The following SNAP47 variants were observed in gnomAD, a reference collection of about 807,000 sequenced individuals.
SNAP47 encodes the protein synaptosomal-associated protein 47.
SNAP47 carries 20 observed loss-of-function variants against 31.4 expected under a neutral mutation model. The observed-to-expected ratio is 0.64, with a 90% CI of 0.45 to 0.93. The LOEUF (loss-of-function observed/expected upper bound fraction) is 0.93, where lower values mean the gene tolerates loss of function less well. SNAP47 is among the 40% of genes least tolerant of loss of function. The pLI, the probability that SNAP47 is intolerant of heterozygous loss-of-function variation, is 0.00. For synonymous variants in SNAP47, 194 were observed against 213.4 expected, an observed-to-expected ratio of 0.91 and a Z score of 0.79; for missense variants, 492 against 528.5, an observed-to-expected ratio of 0.93 and a Z score of 0.68.
chr1:227,737,302 A>G lies in SNAP47; in HGVS notation c.-46+1803A>G, dbSNP rs115170085. Among the ~76,000 whole-genome samples, 864 of 152,348 alleles carry G rather than the reference A, an allele frequency of 5.7e-3. 13 individuals carry two copies. Among genetic ancestry groups the G allele is most frequent in the African/African-American group, 0.02 (839 of 41,570 alleles). ...CGAGAGAGTGCAGAGTCTGGGCAGC[A>G]TTTCCCAGGCGTCTTGACAGGGAGG... On this transcript the variant is annotated intron_variant, in intron 1 of 4. Transcript: ENST00000617596.
chr1:227,767,176 G>T lies in SNAP47; in HGVS notation c.1113+93G>T. 2.6e-6 allele frequency: 4 copies of T among 1,541,094 alleles called. No individual in the cohort carries two copies. In the East Asian group the frequency reaches 9.6e-5, roughly 37 times the overall value. On this transcript the variant is annotated intron_variant, in intron 4 of 4. Transcript: ENST00000617596. ...CCTTTCTGATCACAAACAAGCTCTG[G>T]GTCATCCATCCGTATTGGCCTCGCA...
At chr1:227,769,135 C>T (rs961345877) in intron 4 of SNAP47, among the ~76,000 whole-genome samples, 1 of 152,156 alleles carries the variant, frequency 6.6e-6, no homozygotes, top group Non-Finnish European at 1.5e-5. Flanking sequence ...GGCTCCCCAC[C>T]AGCCATCCAG....
rs147859271 is a variant in SNAP47, at chr1:227,747,400, G to A, written c.-45-292G>A. Reference sequence around the variant, plus strand: ...CAGGGTGGCTTTGCTGGGTGCAGGGGCACAGAGTGTGGTGAGGGGGATGAC... The same window carrying A: ...CAGGGTGGCTTTGCTGGGTGCAGGGACACAGAGTGTGGTGAGGGGGATGAC... On this transcript the variant is annotated intron_variant, in intron 1 of 4. Coordinates refer to ENST00000617596, the MANE Select transcript of SNAP47 (RefSeq NM_053052.4). Among the ~76,000 whole-genome samples the A allele has an allele frequency of 4.5e-3, 690 of 152,294 alleles. 18 individuals carry two copies. The South Asian group carries it at 0.055, about 12-fold the overall frequency.
intron 2 of SNAP47, among the ~76,000 whole-genome samples, chr1:227,755,740 C>G (rs1662654958): frequency 6.6e-6 from 1 of 152,040 alleles, no homozygotes; most frequent in African/African-American, 2.4e-5. Flanking sequence ...TGCTGGGAGT[C>G]CAGGTTTTTA....
At chr1:227,752,700 T>G (rs1662454775) in intron 2 of SNAP47, among the ~76,000 whole-genome samples, 2 of 152,200 alleles carry the variant, frequency 1.3e-5, no homozygotes, top group Non-Finnish European at 2.9e-5. Flanking sequence ...AAGTTAGCTT[T>G]ATTAAGGAAG....
chr1:227,737,625 T>C (rs1466345882), intron 1 of SNAP47, among the ~76,000 whole-genome samples: 1 of 152,192 alleles, frequency 6.6e-6, no homozygotes, highest in Non-Finnish European at 1.5e-5. Flanking sequence ...GTGCTGGGGC[T>C]CTGAGCCTTG....
At chr1:227,742,336 G>A (rs1367307844) in intron 1 of SNAP47, among the ~76,000 whole-genome samples, 1 of 152,172 alleles carries the variant, frequency 6.6e-6, no homozygotes, top group Non-Finnish European at 1.5e-5. Flanking sequence ...CCAGGCTCAA[G>A]TGATCCTCCT....
At chr1:227,757,058 C>A (rs563263233) in intron 2 of SNAP47, among the ~76,000 whole-genome samples, 1 of 122,186 alleles carries the variant, frequency 8.2e-6, no homozygotes, top group East Asian at 2.2e-4. Context: ...CTTAGTCTCT[C>A]TAGGAATTGT....
intron 1 of SNAP47, among the ~76,000 whole-genome samples, chr1:227,744,572 C>G (rs562918902): frequency 6.6e-6 from 1 of 151,846 alleles, no homozygotes; most frequent in Admixed American, 6.6e-5. Flanking sequence ...TTCTCCCTCC[C>G]TCCCCCTCCT....
intron 1 of SNAP47, 119 bp downstream of exon 1, chr1:227,735,618 G>A (rs1184110644): frequency 1.5e-6 from 2 of 1,326,204 alleles, no homozygotes; most frequent in African/African-American, 1.5e-5. Flanking sequence ...GCATCCCCGG[G>A]GGGTGGGGGG....
At chr1:227,769,022 C>T (rs916100057) in intron 4 of SNAP47, among the ~76,000 whole-genome samples, 5 of 152,236 alleles carry the variant, frequency 3.3e-5, no homozygotes, top group African/African-American at 9.6e-5. Context: ...CCTCAAGTGT[C>T]CACACATCAG....
intron 4 of SNAP47, among the ~76,000 whole-genome samples, chr1:227,774,488 G>C (rs899727852): frequency 2.6e-5 from 4 of 152,168 alleles, no homozygotes; most frequent in Admixed American, 2.6e-4. Context: ...CTGCTGAGCT[G>C]TGTGTCACAG....
intron 4 of SNAP47, among the ~76,000 whole-genome samples, chr1:227,771,626 C>T (rs1663810802): frequency 2.0e-5 from 3 of 152,020 alleles, no homozygotes; most frequent in South Asian, 2.1e-4. Flanking sequence ...TGACAGTGAA[C>T]GCCTGCTCAC....
chr1:227,757,668 A>T (rs188787060), intron 2 of SNAP47, among the ~76,000 whole-genome samples: 1 of 152,338 alleles, frequency 6.6e-6, no homozygotes, highest in Non-Finnish European at 1.5e-5. Flanking sequence ...GCAGGGGTTA[A>T]TGTGATATAT....
chr1:227,768,727 C>A (rs936167242), intron 4 of SNAP47, among the ~76,000 whole-genome samples: 1 of 152,220 alleles, frequency 6.6e-6, no homozygotes, highest in African/African-American at 2.4e-5. Context: ...CCAGAACATT[C>A]TTGGCCTGGG....
intron 2 of SNAP47, among the ~76,000 whole-genome samples, chr1:227,755,366 C>T (rs1662631358): frequency 6.6e-6 from 1 of 151,878 alleles, no homozygotes; most frequent in Non-Finnish European, 1.5e-5. Context: ...CCATGTCTGG[C>T]TAGTTTTGTT....
rs374660574 is a variant in SNAP47 at position 227,752,199 on chromosome 1, C to T, written c.497+3966C>T. On this transcript the variant is annotated intron_variant, in intron 2 of 4. Coordinates refer to ENST00000617596, the MANE Select transcript of SNAP47 (RefSeq NM_053052.4). ...CTGTGAAGTCACCACCACAGTCATA[C>T]GCACGAACACATCTCTCACCTCACA... Among the ~76,000 whole-genome samples the T allele has an allele frequency of 6.6e-5, 10 of 152,328 alleles. No homozygotes were observed. The East Asian group carries it at 1.3e-3, about 21-fold the overall frequency.
At chr1:227,732,366 C>T, upstream of SNAP47, 1 of 1,604,732 alleles carries the variant, frequency 6.2e-7, no homozygotes, top group East Asian at 2.2e-5. Flanking sequence ...TCTCTTCCAC[C>T]CGTCCTTCTA....
intron 3 of SNAP47, 55 bp downstream of exon 3, chr1:227,759,540 G>T: frequency 5.1e-6 from 8 of 1,577,580 alleles, no homozygotes; most frequent in Non-Finnish European, 6.0e-6. Context: ...ATTACAGGCA[G>T]ACTCAGCACG....
Sources: gnomAD v4.1 joint callset for allele counts (sites outside exome capture counted in the v4.1 genomes callset) on GRCh38, gnomAD v4.1.1 for gene constraint, MANE v1.5 for transcripts, NCBI Gene and HGNC (gene_info 2026-07-23, HGNC 2026-07-21) for gene names.